Variants in CEP350 observed in about 807,000 individuals in gnomAD.
CEP350 encodes the protein centrosomal protein 350, also known as centrosome-associated protein 350.
Under a neutral mutation model 331.8 loss-of-function variants are expected in CEP350, and 126 were observed. That is an observed-to-expected ratio of 0.38 (90% confidence interval 0.33 to 0.44). The LOEUF (loss-of-function observed/expected upper bound fraction) is 0.44, where lower values mean the gene tolerates loss of function less well. Ranked by LOEUF, CEP350 falls within the 20% of genes least tolerant of loss-of-function variation. The pLI is 1.00. For missense variants in CEP350, 3,406 were observed against 3,634.6 expected (o/e 0.94, Z 1.62); for synonymous variants, 1,200 against 1,259.5 (o/e 0.95, Z 1.00).
chr1:180,029,826 T>TGTAAATAATA (rs1655897845), intron 14 of CEP350, among the ~76,000 whole-genome samples: 1 of 152,128 alleles, frequency 6.6e-6, no homozygotes, highest in Admixed American at 6.6e-5. Context: ...TAACTCTCAT[T>TGTAAATAATA]CTCCTCTTCT....
At chr1:179,968,314 A>G (rs897111902) in intron 1 of CEP350, among the ~76,000 whole-genome samples, 1 of 150,978 alleles carries the variant, frequency 6.6e-6, no homozygotes, top group African/African-American at 2.4e-5. Flanking sequence ...CTGGATGACA[A>G]GAGCAAGACT....
intron 25 of CEP350, among the ~76,000 whole-genome samples, chr1:180,056,836 C>T (rs1657881001): frequency 2.0e-5 from 3 of 152,002 alleles, no homozygotes; most frequent in African/African-American, 4.8e-5. Context: ...TGACCATTTG[C>T]CACATCCCTC....
In CEP350 at chr1:180,093,400, A is replaced by T; in HGVS notation, c.7295A>T (p.Asn2432Ile). The change falls in exon 34 of 38, where the codon AAT (asparagine) becomes ATT (isoleucine). Residue 2432 changes from asparagine to isoleucine, a missense_variant. By Grantham distance (149) the Asn-to-Ile change is moderately radical. Coordinates refer to ENST00000367607, the MANE Select transcript of CEP350 (RefSeq NM_014810.5). Reference protein sequence around the residue: ...STSGATSFGSNEEISECLSEK... With the variant: ...STSGATSFGSIEEISECLSEK... Reference sequence around the variant, plus strand: ...AGTGGAGCCACTAGCTTTGGTAGTAATGAGGAAATCAGTGAGTGCCTAAGT... The same window carrying T: ...AGTGGAGCCACTAGCTTTGGTAGTATTGAGGAAATCAGTGAGTGCCTAAGT... 6.3e-7 allele frequency: 1 copy of T among 1,599,236 alleles called. No individual in the cohort carries two copies. The highest frequency in any genetic ancestry group is 8.5e-7 in the Non-Finnish European group (1 of 1,172,492).
At chr1:180,026,270 CAAA>C (rs529383708) in intron 14 of CEP350, among the ~76,000 whole-genome samples, 7 of 125,070 alleles carry the variant, frequency 5.6e-5, no homozygotes, top group Admixed American at 1.6e-4. Context: ...GACTCTGTGT[CAAA>C]AAAAAAAAAA....
chr1:180,033,723 A>G, intron 15 of CEP350, 139 bp from the exon 16 acceptor site: 2 of 794,782 alleles, frequency 2.5e-6, no homozygotes, highest in Non-Finnish European at 4.0e-6. Context: ...TAGTGATTAT[A>G]TTAATGAATA....
At chr1:180,039,488 C>T (rs1184556440) in intron 17 of CEP350, among the ~76,000 whole-genome samples, 1 of 152,022 alleles carries the variant, frequency 6.6e-6, no homozygotes, top group Non-Finnish European at 1.5e-5. Flanking sequence ...GTTTCTTTTT[C>T]TCTAGTATGG....
rs1661532101 is a variant in CEP350, at chr1:180,112,979, A to C, written c.*1818A>C. On this transcript the variant is annotated 3_prime_UTR_variant, in exon 38 of 38. Transcript: ENST00000367607. Reference sequence around the variant, plus strand: ...TGATTGGGTCTCGGGAAATGCTCAGATTGATGTCTTACCAGCATTTCTTCT... The same window carrying C: ...TGATTGGGTCTCGGGAAATGCTCAGCTTGATGTCTTACCAGCATTTCTTCT... 1 of 152,626 alleles carries C rather than the reference A, an allele frequency of 6.6e-6. No individual in the cohort carries two copies. The highest frequency in any genetic ancestry group is 1.5e-5 in the Non-Finnish European group (1 of 68,034). 9.5% of individuals were successfully genotyped at this position (152,626 alleles called of 1,614,324 possible).
intron 27 of CEP350, among the ~76,000 whole-genome samples, chr1:180,067,057 G>C (rs1372601231): frequency 6.6e-6 from 1 of 152,126 alleles, no homozygotes; most frequent in Non-Finnish European, 1.5e-5. Flanking sequence ...GTCTGACCTT[G>C]AGGTCAGTTA....
intron 22 of CEP350, 64 bp downstream of exon 22, chr1:180,048,769 G>C: frequency 7.6e-7 from 1 of 1,319,554 alleles, no homozygotes; most frequent in Non-Finnish European, 1.1e-6. Context: ...GGTGATCCTT[G>C]TTATAAAGTG....
chr1:179,957,926 G>A (rs981710732), intron 1 of CEP350, among the ~76,000 whole-genome samples: 4 of 152,122 alleles, frequency 2.6e-5, no homozygotes, highest in African/African-American at 9.7e-5. Context: ...TCAGTATTGG[G>A]AGTTTAAATT....
intron 8 of CEP350, among the ~76,000 whole-genome samples, chr1:180,010,382 C>T (rs1654547541): frequency 6.9e-6 from 1 of 145,678 alleles, no homozygotes; most frequent in African/African-American, 2.5e-5. Flanking sequence ...GTTGGGGTCC[C>T]TGACACATAA....
At chr1:180,011,824 T>A in intron 8 of CEP350, 105 bp from the exon 9 acceptor site, 1 of 736,670 alleles carries the variant, frequency 1.4e-6, no homozygotes, top group Non-Finnish European at 2.2e-6. Context: ...TCTTTTGACC[T>A]TGACAGATGA....
intron 1 of CEP350, among the ~76,000 whole-genome samples, chr1:179,977,722 A>G (rs1651974207): frequency 1.3e-5 from 2 of 152,162 alleles, no homozygotes. Flanking sequence ...CTTAGGCTAC[A>G]CTAAGTTGAT....
At chr1:179,994,541 T>A (rs1038813842) in intron 5 of CEP350, among the ~76,000 whole-genome samples, 1 of 150,852 alleles carries the variant, frequency 6.6e-6, no homozygotes, top group Non-Finnish European at 1.5e-5. Flanking sequence ...ACAGCCTTGA[T>A]CTCCTAGGCT....
rs139019276 is a variant in CEP350 at position 180,036,060 on chromosome 1, G to T, written c.3947-866G>T. On this transcript the variant is annotated intron_variant, in intron 16 of 37. Coordinates refer to ENST00000367607, the MANE Select transcript of CEP350 (RefSeq NM_014810.5). The stretch of plus-strand genomic sequence containing the variant: ...TTGGAAGAAGTTGATTCCAGCCCTC[G>T]TGGATGACTTTGAGGGGTTCAGAAC... Among the ~76,000 whole-genome samples the T allele has an allele frequency of 6.4e-3, 978 of 152,282 alleles. 4 individuals carry two copies. Among genetic ancestry groups the T allele is most frequent in the South Asian group, 8.1e-3 (39 of 4,820 alleles).
chr1:179,996,646 C>T lies in CEP350; in HGVS notation c.489C>T (p.Ser163=), dbSNP rs201442355. Residue 163 remains serine (S), a synonymous_variant, in exon 6 of 38, where the codon AGC becomes AGT. Coordinates refer to ENST00000367607, the MANE Select transcript of CEP350 (RefSeq NM_014810.5). ...CVDVNEEKTE[S]GNWMIGSREE... ...ATGTTAATGAAGAAAAGACTGAGAGCGGTAACTGGATGATAGGCAGTCGAG... is the reference window on the plus strand; with the variant it reads ...ATGTTAATGAAGAAAAGACTGAGAGTGGTAACTGGATGATAGGCAGTCGAG... 1.4e-5 allele frequency: 22 copies of T among 1,612,152 alleles called. No individual in the cohort carries two copies. In the East Asian group the frequency reaches 1.6e-4, roughly 11 times the overall value.
intron 19 of CEP350, among the ~76,000 whole-genome samples, chr1:180,042,167 C>CACAT (rs3223192): frequency 2.0e-5 from 3 of 150,198 alleles, no homozygotes; most frequent in South Asian, 2.1e-4. Flanking sequence ...CACACACACA[C>CACAT]ATCTCCCTAT....
intron 1 of CEP350, among the ~76,000 whole-genome samples, chr1:179,978,396 C>T (rs1015291330): frequency 2.0e-5 from 3 of 152,232 alleles, no homozygotes; most frequent in African/African-American, 7.2e-5. Context: ...TGGGGACATT[C>T]AGTATCTTCT....
chr1:180,110,758 T>C (rs903356273), intron 37 of CEP350, among the ~76,000 whole-genome samples: 2 of 152,218 alleles, frequency 1.3e-5, no homozygotes, highest in African/African-American at 4.8e-5. Flanking sequence ...CTTTAATATA[T>C]ATGAAATACT....
Sources: gnomAD v4.1 joint callset for allele counts (sites outside exome capture counted in the v4.1 genomes callset) on GRCh38, gnomAD v4.1.1 for gene constraint, MANE v1.5 for transcripts, NCBI Gene and HGNC (gene_info 2026-07-23, HGNC 2026-07-21) for gene names.